TBC1D8B: variants seen among roughly 807,000 people sequenced by gnomAD.
TBC1D8B encodes TBC1 domain family member 8B.
A neutral mutation model predicts 82.9 loss-of-function variants in TBC1D8B; 75 were observed. That is an observed-to-expected ratio of 0.90 (90% CI 0.75 to 1.10). The LOEUF (loss-of-function observed/expected upper bound fraction) is 1.10, where lower values mean the gene tolerates loss of function less well. TBC1D8B is among the 50% of genes least tolerant of loss of function. The probability of loss-of-function intolerance (pLI) is 0.00; values close to 1 mark genes in which losing one functional copy is unlikely to be tolerated. For synonymous variants in TBC1D8B, 276 were observed against 276.8 expected, an observed-to-expected ratio of 1.00 and a Z score of 0.03; for missense variants, 794 against 796.9, an observed-to-expected ratio of 1.00 and a Z score of 0.04.
At chrX:106,810,905 C>T (rs766565073) in intron 1 of TBC1D8B, among the ~76,000 whole-genome samples, 1 of 111,267 alleles carries the variant, frequency 9.0e-6, no homozygotes, top group Non-Finnish European at 1.9e-5. Context: ...GTTACCCCCC[C>T]ACTTTTTTGG....
chrX:106,871,070 A>G (rs990496246), intron 20 of TBC1D8B, among the ~76,000 whole-genome samples: 1 of 111,601 alleles, frequency 9.0e-6, no homozygotes, highest in Non-Finnish European at 1.9e-5. Flanking sequence ...TATGTGTAGT[A>G]TATTTCCAAC....
At chrX:106,860,520 G>A (rs1239048611) in intron 14 of TBC1D8B, among the ~76,000 whole-genome samples, 1 of 110,906 alleles carries the variant, frequency 9.0e-6, no homozygotes, top group Non-Finnish European at 1.9e-5. Context: ...ACATAGAGGT[G>A]TTCATAGTAG....
At chrX:106,844,937 T>A (rs1263517024) in intron 10 of TBC1D8B, among the ~76,000 whole-genome samples, 1 of 111,506 alleles carries the variant, frequency 9.0e-6, no homozygotes, top group Non-Finnish European at 1.9e-5. Flanking sequence ...ACTTTTCCCA[T>A]TTTAGTTTCA....
At chrX:106,859,920 T>A (rs760785352) in intron 14 of TBC1D8B, among the ~76,000 whole-genome samples, 4 of 112,395 alleles carry the variant, frequency 3.6e-5, no homozygotes, top group Non-Finnish European at 5.6e-5. Flanking sequence ...TGAATCTTAC[T>A]GAAAGCTTTT....
At position 106,821,957 on chromosome X, in the gene TBC1D8B, A is replaced by G; in HGVS notation, c.361-20A>G. The G allele has an allele frequency of 8.5e-7, 1 of 1,173,267 alleles. No individual in the cohort carries two copies. Among genetic ancestry groups the G allele is most frequent in the Non-Finnish European group, 1.2e-6 (1 of 867,710 alleles). On this transcript the variant is annotated intron_variant, in intron 3 of 20. Transcript: ENST00000357242. ...TGTTGGTAGGTGATGAATTTTCAGA[A>G]AATATTTTGTCTCCTTTAGGGATTA...
chrX:106,862,979 C>T (rs1255410187), intron 14 of TBC1D8B, among the ~76,000 whole-genome samples: 1 of 108,880 alleles, frequency 9.2e-6, no homozygotes, highest in Non-Finnish European at 1.9e-5. Context: ...GGGCTAGGAA[C>T]CTGCTCTGCC....
Position 106,874,176 on chromosome X carries a change from G to A in TBC1D8B, c.*211G>A, listed in dbSNP as rs976820792. 1 of 303,197 alleles carries A rather than the reference G, an allele frequency of 3.3e-6. No homozygotes were observed. Among genetic ancestry groups the A allele is most frequent in the Non-Finnish European group, 5.6e-6 (1 of 177,213 alleles). 25.0% of individuals were successfully genotyped at this position (303,197 alleles called of 1,213,427 possible). On this transcript the variant is annotated 3_prime_UTR_variant, in exon 21 of 21. Coordinates refer to ENST00000357242, the MANE Select transcript of TBC1D8B (RefSeq NM_017752.3). ...ACAAACAAACAAACAAAACAAAAAA[G>A]CAAACCACATTTGTTATCTCAAATT...
intron 7 of TBC1D8B, 137 bp from the exon 8 acceptor site, chrX:106,839,171 G>T: frequency 1.6e-6 from 1 of 630,922 alleles, no homozygotes; most frequent in Non-Finnish European, 2.2e-6. Context: ...ATTTTGATAG[G>T]TATGTCTCTG....
intron 20 of TBC1D8B, among the ~76,000 whole-genome samples, chrX:106,872,880 G>A (rs1225926590): frequency 9.0e-6 from 1 of 110,960 alleles, no homozygotes; most frequent in Non-Finnish European, 1.9e-5. Flanking sequence ...TGAGGTGTGA[G>A]GATCACTTGA....
Position 106,820,825 on chromosome X carries a change from T to C in TBC1D8B, c.242-52T>C, listed in dbSNP as rs1931673570. ...CTATGCTTTTAAATAACAAGAGCAGTTTTATTGTGGAGTTTTCCTTAAGTG... is the reference window on the plus strand; with the variant it reads ...CTATGCTTTTAAATAACAAGAGCAGCTTTATTGTGGAGTTTTCCTTAAGTG... On this transcript the variant is annotated intron_variant, in intron 2 of 20. Coordinates refer to ENST00000357242, the MANE Select transcript of TBC1D8B (RefSeq NM_017752.3). 4 of 840,747 alleles carry C rather than the reference T, an allele frequency of 4.8e-6. No individual in the cohort carries two copies. In the Admixed American group the frequency reaches 1.2e-4, roughly 24 times the overall value. 69.3% of individuals were successfully genotyped at this position (840,747 alleles called of 1,213,427 possible).
rs1931709027 is a variant in TBC1D8B at position 106,822,080 on chromosome X, A to C, written c.464A>C (p.Glu155Ala). Residue 155 changes from glutamate (E) to alanine (A), a missense_variant, in exon 4 of 21, where the codon GAG becomes GCG. Glu to Ala is a moderately radical substitution (Grantham distance 107). Transcript: ENST00000357242. ...TTTGAAAAATGTTTTGGTTTACCAG[A>C]GAAGGAGAAGTTAGTGACCTATTAT... ...LKFEKCFGLP[E>A]KEKLVTYYSC... The C allele has an allele frequency of 8.3e-7, 1 of 1,208,828 alleles. No individual in the cohort carries two copies. The highest frequency in any genetic ancestry group is 1.7e-5 in the African/African-American group (1 of 57,150).
chrX:106,821,971 C>T lies in TBC1D8B; in HGVS notation c.361-6C>T. 1 of 1,201,069 alleles carries T rather than the reference C, an allele frequency of 8.3e-7. No individual in the cohort carries two copies. On this transcript the variant is annotated splice_polypyrimidine_tract_variant and splice_region_variant and intron_variant, in intron 3 of 20. Transcript: ENST00000357242. ...GAATTTTCAGAAAATATTTTGTCTC[C>T]TTTAGGGATTAATTGCTGAAGAGGG... is the stretch of plus-strand genomic sequence containing the variant.
chrX:106,865,397 CTT>C (rs1932807317), intron 14 of TBC1D8B, 160 bp from the exon 15 acceptor site: 1 of 265,382 alleles, frequency 3.8e-6, no homozygotes, highest in African/African-American at 2.8e-5. Context: ...TAGATAATAA[CTT>C]TATAATATAA....
At position 106,840,837 on chromosome X, in the gene TBC1D8B, G is replaced by T. The variant is rs1205320241; in HGVS notation, c.1672G>T (p.Val558Leu). ...SDTGISALRRVLTAYAYRNPK... is the reference protein window; with the variant it reads ...SDTGISALRRLLTAYAYRNPK... Reference sequence around the variant, plus strand: ...TACTGGCATATCTGCTCTGAGAAGGGTACTCACAGCTTATGCATACAGGAA... The same window carrying T: ...TACTGGCATATCTGCTCTGAGAAGGTTACTCACAGCTTATGCATACAGGAA... Residue 558 changes from valine to leucine, a missense_variant, in exon 10 of 21, where the codon GTA (valine) becomes TTA (leucine). Transcript: ENST00000357242. 4.1e-6 allele frequency: 5 copies of T among 1,210,889 alleles called. No individual in the cohort carries two copies. The Admixed American group carries it at 8.7e-5, about 21-fold the overall frequency.
At chrX:106,842,609 AT>A (rs1932337054) in intron 10 of TBC1D8B, among the ~76,000 whole-genome samples, 1 of 40,630 alleles carries the variant, frequency 2.5e-5, no homozygotes, top group African/African-American at 2.2e-4. Context: ...TGCTCTATCT[AT>A]CTATCTATCT....
At chrX:106,821,631 C>T (rs1931695963) in intron 3 of TBC1D8B, among the ~76,000 whole-genome samples, 1 of 111,496 alleles carries the variant, frequency 9.0e-6, no homozygotes, top group South Asian at 3.8e-4. Flanking sequence ...GCTCAAGTCT[C>T]CTAATATAAA....
At chrX:106,809,305 A>G (rs188831430) in intron 1 of TBC1D8B, among the ~76,000 whole-genome samples, 1 of 111,522 alleles carries the variant, frequency 9.0e-6, no homozygotes, top group Non-Finnish European at 1.9e-5. Context: ...CAAATAGTAT[A>G]TGATATGACT....
chrX:106,822,750 C>T (rs1455799590), intron 4 of TBC1D8B, among the ~76,000 whole-genome samples: 1 of 108,920 alleles, frequency 9.2e-6, no homozygotes, highest in East Asian at 2.9e-4. Flanking sequence ...ATAATCCTAG[C>T]ACTTTGGGAG....
intron 20 of TBC1D8B, among the ~76,000 whole-genome samples, 165 bp downstream of exon 20, chrX:106,870,978 T>A (rs373987552): frequency 8.9e-6 from 1 of 112,159 alleles, no homozygotes; most frequent in East Asian, 2.8e-4. Flanking sequence ...AATTTTTTAA[T>A]GATTTTTTTA....
Sources: allele counts gnomAD v4.1 joint callset (sites outside exome capture counted in the v4.1 genomes callset), GRCh38; gene constraint gnomAD v4.1.1; transcripts MANE v1.5; gene names NCBI Gene and HGNC (gene_info 2026-07-23, HGNC 2026-07-21).